Variants in COL17A1 observed in about 807,000 individuals in gnomAD.
The protein encoded by COL17A1 is collagen alpha-1(XVII) chain.
A neutral mutation model predicts 218.4 loss-of-function variants in COL17A1; 181 were observed. The ratio of observed to expected loss-of-function variants is 0.83; its 90% confidence interval spans 0.73 to 0.94. The LOEUF is 0.94. Among genes scored for constraint, COL17A1 ranks in the 40% least tolerant of loss-of-function variants. The probability of loss-of-function intolerance (pLI) is 0.00; values close to 1 mark genes in which losing one functional copy is unlikely to be tolerated. For missense variants in COL17A1, 1,924 were observed against 1,945.9 expected, an observed-to-expected ratio of 0.99 and a Z score of 0.21; for synonymous variants, 721 against 731.0, an observed-to-expected ratio of 0.99 and a Z score of 0.22.
intron 54 of COL17A1, 57 bp from the exon 55 acceptor site, chr10:104,032,811 C>T: frequency 6.2e-7 from 1 of 1,609,734 alleles, no homozygotes; most frequent in Non-Finnish European, 8.5e-7. Context: ...ACTGAGGGCA[C>T]AGGTAGCCGG....
At chr10:104,040,506 C>T in intron 39 of COL17A1, 96 bp from the exon 40 acceptor site, 1 of 667,390 alleles carries the variant, frequency 1.5e-6, no homozygotes, top group South Asian at 1.4e-5. Flanking sequence ...TCAATCAATA[C>T]TTGTCAAATA....
chr10:104,056,736 C>T (rs1457222371), intron 17 of COL17A1, among the ~76,000 whole-genome samples: 2 of 152,180 alleles, frequency 1.3e-5, no homozygotes, highest in African/African-American at 4.8e-5. Flanking sequence ...AAGGGTGGGG[C>T]TGAGCATCAG....
chr10:104,036,767 C>T (rs931811384), intron 47 of COL17A1, 135 bp from the exon 48 acceptor site: 23 of 1,131,832 alleles, frequency 2.0e-5, no homozygotes, highest in East Asian at 2.6e-5. Context: ...CGCAGGACCA[C>T]GGTGTTCAGG....
Position 104,033,996 on chromosome 10 carries a change from C to T in COL17A1, c.4105G>A (p.Gly1369Arg). The T allele has an allele frequency of 6.2e-7, 1 of 1,614,196 alleles. No individual in the cohort carries two copies. Among genetic ancestry groups the T allele is most frequent in the Non-Finnish European group, 8.5e-7 (1 of 1,180,040 alleles). Residue 1369 changes from glycine to arginine, a missense_variant, in exon 52 of 56, where the codon GGA becomes AGA. Transcript: ENST00000648076. ...GCCAGCTCATTGTAATCCAGATCTC[C>T]AGCAAAGTCAGCTCCCAATAGTCCG... ...NGGLLGADFA[G>R]DLDYNELAVR...
intron 2 of COL17A1, among the ~76,000 whole-genome samples, chr10:104,080,169 G>A (rs1341958626): frequency 6.6e-6 from 1 of 152,170 alleles, no homozygotes; most frequent in Non-Finnish European, 1.5e-5. Context: ...GAGTTGGTAG[G>A]AGGAGAGTTT....
At chr10:104,035,178 T>C (rs2086263362) in intron 50 of COL17A1, 85 bp downstream of exon 50, 2 of 1,162,016 alleles carry the variant, frequency 1.7e-6, no homozygotes, top group Admixed American at 3.9e-5. Flanking sequence ...CAGGAGCACT[T>C]AGACTGCCCT....
chr10:104,034,528 C>T (rs2086255079), intron 51 of COL17A1, 93 bp downstream of exon 51: 2 of 1,544,462 alleles, frequency 1.3e-6, no homozygotes, highest in East Asian at 2.4e-5. Flanking sequence ...CTCGTGTGGC[C>T]TTCCTGTCCC....
In COL17A1 at chr10:104,053,126, C is replaced by A; in HGVS notation, c.1844G>T (p.Gly615Val). 6.2e-7 allele frequency: 1 copy of A among 1,613,184 alleles called. No homozygotes were observed. The highest frequency in any genetic ancestry group is 1.1e-5 in the South Asian group (1 of 91,088). Reference sequence around the variant, plus strand: ...TCTCTGGCCCATGGGGCCTTCCATGCCAGGATCTCCTAAAGACAGGGATGG... The same window carrying A: ...TCTCTGGCCCATGGGGCCTTCCATGACAGGATCTCCTAAAGACAGGGATGG... ...KGQKGSVGDP[G>V]MEGPMGQRGR... Residue 615 changes from glycine (G) to valine (V), a missense_variant, in exon 23 of 56, where the codon GGC becomes GTC. Gly to Val is a moderately radical substitution (Grantham distance 109). Transcript: ENST00000648076.
In COL17A1 at chr10:104,055,908, TTTCTA is replaced by T; in HGVS notation, c.1556_1560del (p.Ile519LysfsTer23). 1 of 1,614,180 alleles carries T rather than the reference TTTCTA, an allele frequency of 6.2e-7. No individual in the cohort carries two copies. Among genetic ancestry groups the T allele is most frequent in the Non-Finnish European group, 8.5e-7 (1 of 1,180,022 alleles). Reference sequence around the variant, plus strand: ...GGTGCCATGCCCTGGAGGCGGTCCTTTTCTATTCTATCCATGCTGTCCCCATAGGG... The same window carrying T: ...GGTGCCATGCCCTGGAGGCGGTCCTTTTCTATCCATGCTGTCCCCATAGGG... On this transcript the variant is annotated frameshift_variant, in exon 18 of 56. Transcript: ENST00000648076. LOFTEE classifies it high-confidence loss of function.
chr10:104,067,846 AAAAAAAG>A (rs1348878122), intron 9 of COL17A1, among the ~76,000 whole-genome samples: 3 of 152,172 alleles, frequency 2.0e-5, no homozygotes, highest in Admixed American at 6.5e-5. Context: ...GAGAGATTAA[AAAAAAAG>A]AAAAAAGAAA....
At chr10:104,046,840 C>G (rs946388749) in intron 31 of COL17A1, 67 bp from the exon 32 acceptor site, 3 of 1,487,304 alleles carry the variant, frequency 2.0e-6, no homozygotes, top group Non-Finnish European at 2.8e-6. Context: ...GCCACACCCA[C>G]ACCTGCAGAA....
rs368882418 is a variant in COL17A1 at position 104,077,472 on chromosome 10, C to T, written c.152G>A (p.Arg51Gln). 17 of 1,613,366 alleles carry T rather than the reference C, an allele frequency of 1.1e-5. No homozygotes were observed. The highest frequency in any genetic ancestry group is 8.0e-5 in the African/African-American group (6 of 74,880). Reference protein sequence around the residue: ...AKTASLGGGSRLEKQSLTHGS... With the variant: ...AKTASLGGGSQLEKQSLTHGS... ...ATGAGTCAGGCTTTGTTTCTCCAGC[C>T]GGCTCCCTCCACCAAGAGAGGCTGT... Residue 51 changes from arginine to glutamine, a missense_variant, in exon 4 of 56, where the codon CGG becomes CAG. By Grantham distance (43) the Arg-to-Gln change is conservative. Coordinates refer to ENST00000648076, the MANE Select transcript of COL17A1 (RefSeq NM_000494.4).
rs12265653 is a variant in COL17A1 at position 104,043,398 on chromosome 10, G to T, written c.2515+103C>A. ...CCAAACTCCTTATTCTCTTTACCAG[G>T]TTCAGTTCCTGCCCTGGGTTTCAGG... is the stretch of plus-strand genomic sequence containing the variant. On this transcript the variant is annotated intron_variant, in intron 35 of 55. Coordinates refer to ENST00000648076, the MANE Select transcript of COL17A1 (RefSeq NM_000494.4). 4.6e-3 allele frequency: 4,893 copies of T among 1,058,324 alleles called. 128 individuals are homozygous for T. In the African/African-American group the frequency reaches 0.063, roughly 14 times the overall value. 65.6% of individuals were successfully genotyped at this position (1,058,324 alleles called of 1,614,324 possible).
Position 104,048,085 on chromosome 10 carries a change from T to TC in COL17A1, c.2246dup (p.His750ThrfsTer7). On this transcript the variant is annotated frameshift_variant, in exon 30 of 56. Coordinates refer to ENST00000648076, the MANE Select transcript of COL17A1 (RefSeq NM_000494.4). LOFTEE classifies it high-confidence loss of function. ...GTGACCAACCTCTTGGGCCTTGGTG[T>TC]CCGTCTGGGCCAGCAGGACCTGGTA... 1 of 1,614,192 alleles carries TC rather than the reference T, an allele frequency of 6.2e-7. No individual in the cohort carries two copies. Among genetic ancestry groups the TC allele is most frequent in the African/African-American group, 1.3e-5 (1 of 75,046 alleles).
At position 104,047,126 on chromosome 10, in the gene COL17A1, C is replaced by G. The variant is rs147162173; in HGVS notation, c.2336-353G>C. Among the ~76,000 whole-genome samples the G allele has an allele frequency of 1.8e-3, 276 of 152,314 alleles. 1 individual carries two copies. Among genetic ancestry groups the G allele is most frequent in the African/African-American group, 6.3e-3 (260 of 41,562 alleles). On this transcript the variant is annotated intron_variant, in intron 31 of 55. Coordinates refer to ENST00000648076, the MANE Select transcript of COL17A1 (RefSeq NM_000494.4). ...CCCTCTATGGCTCCTGTCTGGGCAC[C>G]CGCCAAAGGAGGCTGAGGAGGCCCC...
intron 35 of COL17A1, among the ~76,000 whole-genome samples, chr10:104,043,278 T>C (rs2086378014): frequency 6.6e-6 from 1 of 152,154 alleles, no homozygotes; most frequent in Non-Finnish European, 1.5e-5. Flanking sequence ...CCTCCCCTTC[T>C]CTAAATGCTG....
Position 104,053,135 on chromosome 10 carries a change from C to T in COL17A1, c.1835G>A (p.Gly612Glu). ...QGPKGQKGSV[G>E]DPGMEGPMGQ... ...CATGGGGCCTTCCATGCCAGGATCTCCTAAAGACAGGGATGGCCAGCCTCC... is the reference window on the plus strand; with the variant it reads ...CATGGGGCCTTCCATGCCAGGATCTTCTAAAGACAGGGATGGCCAGCCTCC... The change falls in exon 23 of 56, where the codon GGA (glycine) becomes GAA (glutamate). Residue 612 changes from glycine to glutamate, a missense_variant and splice_region_variant. Gly to Glu is a moderately conservative substitution (Grantham distance 98). Transcript: ENST00000648076. The T allele has an allele frequency of 6.2e-7, 1 of 1,612,826 alleles. No individual in the cohort carries two copies. The highest frequency in any genetic ancestry group is 8.5e-7 in the Non-Finnish European group (1 of 1,179,996).
chr10:104,061,261 C>G (rs116337881), intron 13 of COL17A1, 144 bp downstream of exon 13: 2 of 736,710 alleles, frequency 2.7e-6, no homozygotes, highest in East Asian at 5.4e-5. Flanking sequence ...GGGCAAGTTG[C>G]GTTTGCAGGC....
At chr10:104,048,459 C>A (rs2086435642) in intron 29 of COL17A1, among the ~76,000 whole-genome samples, 1 of 152,192 alleles carries the variant, frequency 6.6e-6, no homozygotes, top group African/African-American at 2.4e-5. Context: ...AAAATGGTGG[C>A]CTTCTGGGAC....
Sources: allele counts gnomAD v4.1 joint callset (sites outside exome capture counted in the v4.1 genomes callset), GRCh38; gene constraint gnomAD v4.1.1; transcripts MANE v1.5; gene names NCBI Gene and HGNC (gene_info 2026-07-23, HGNC 2026-07-21).